SGCD: variants seen among roughly 807,000 people sequenced by gnomAD.
SGCD encodes the protein delta-sarcoglycan.
In SGCD, 18 loss-of-function variants were observed where a neutral mutation model predicts 36.6. The ratio of observed to expected loss-of-function variants is 0.49; its 90% CI spans 0.34 to 0.73. The LOEUF is 0.73. Among genes scored for constraint, SGCD ranks in the 30% least tolerant of loss-of-function variants. SGCD has a pLI of 0.01. For synonymous variants in SGCD, 133 were observed against 130.6 expected (o/e 1.02, Z -0.12); for missense variants, 387 against 346.7 (o/e 1.12, Z -0.92).
intron 3 of SGCD, among the ~76,000 whole-genome samples, chr5:156,197,474 T>C (rs1454353533): frequency 8.9e-5 from 13 of 146,254 alleles, no homozygotes; most frequent in Non-Finnish European, 1.7e-4. Flanking sequence ...TAGTTTTCCT[T>C]TTTTTTTTTT....
intron 3 of SGCD, among the ~76,000 whole-genome samples, chr5:156,494,352 G>A (rs986798218): frequency 5.3e-5 from 5 of 94,324 alleles, no homozygotes; most frequent in Non-Finnish European, 8.9e-5. Context: ...TTTTTTTTTT[G>A]AGGACTCTAA....
At chr5:156,592,803 C>T (rs147604630) in intron 5 of SGCD, among the ~76,000 whole-genome samples, 304 of 152,284 alleles carry the variant, frequency 2.0e-3, no homozygotes, top group African/African-American at 7.0e-3. Context: ...CAATCTCCTA[C>T]TCATTAGGGA....
chr5:156,368,354 G>A (rs1770215629), intron 3 of SGCD, among the ~76,000 whole-genome samples: 1 of 152,120 alleles, frequency 6.6e-6, no homozygotes, highest in African/African-American at 2.4e-5. Flanking sequence ...GCCTTCCAAA[G>A]TGCTGGGATT....
upstream of SGCD, among the ~76,000 whole-genome samples, chr5:156,323,018 G>A (rs986372077): frequency 2.0e-5 from 3 of 152,130 alleles, no homozygotes; most frequent in Non-Finnish European, 2.9e-5. Flanking sequence ...TCTGGGGTGG[G>A]ACCCTGGCTC....
intron 6 of SGCD, among the ~76,000 whole-genome samples, chr5:156,638,250 C>T (rs1305103021): frequency 1.3e-5 from 2 of 152,082 alleles, no homozygotes; most frequent in African/African-American, 2.4e-5. Context: ...TCATGGCTCC[C>T]ATCTCACCCT....
At chr5:155,869,317 T>C (rs1755585737), upstream of SGCD, among the ~76,000 whole-genome samples, 1 of 152,230 alleles carries the variant, frequency 6.6e-6, no homozygotes, top group Admixed American at 6.5e-5. Context: ...GATATTGTTG[T>C]ATGAATTAAT....
chr5:156,393,829 C>A (rs986615144), intron 3 of SGCD: 2 of 456,264 alleles, frequency 4.4e-6, no homozygotes, highest in Non-Finnish European at 4.4e-6. Flanking sequence ...GAACCAGGAG[C>A]CAGGTGACTC....
chr5:155,731,366 G>A, the SGCD span, among the ~76,000 whole-genome samples: 1 of 152,002 alleles, frequency 6.6e-6, no homozygotes, highest in Non-Finnish European at 1.5e-5. Context: ...AGATGGGGAG[G>A]AGGGAAAGGG....
At chr5:156,629,793 A>G (rs1409371486) in intron 6 of SGCD, among the ~76,000 whole-genome samples, 1 of 152,042 alleles carries the variant, frequency 6.6e-6, no homozygotes, top group African/African-American at 2.4e-5. Context: ...TAGTGAGACA[A>G]ATTTGGCCCA....
chr5:156,161,312 T>C (rs1763082730), intron 3 of SGCD, among the ~76,000 whole-genome samples: 1 of 151,812 alleles, frequency 6.6e-6, no homozygotes, highest in Non-Finnish European at 1.5e-5. Flanking sequence ...AACTCTGTAG[T>C]AAACATTCAC....
intron 3 of SGCD, among the ~76,000 whole-genome samples, chr5:156,279,000 T>C (rs1766384178): frequency 6.6e-6 from 1 of 152,082 alleles, no homozygotes; most frequent in Non-Finnish European, 1.5e-5. Flanking sequence ...ACTGGAGAGG[T>C]GCTAATGGCA....
intron 7 of SGCD, among the ~76,000 whole-genome samples, chr5:156,730,859 C>T (rs138103582): frequency 6.6e-6 from 1 of 152,160 alleles, no homozygotes; most frequent in Non-Finnish European, 1.5e-5. Flanking sequence ...TACACTCCCA[C>T]CAACAGTGTA....
At chr5:156,655,625 G>A (rs1763642234) in intron 7 of SGCD, among the ~76,000 whole-genome samples, 1 of 152,084 alleles carries the variant, frequency 6.6e-6, no homozygotes, top group African/African-American at 2.4e-5. Context: ...AATGTTTATT[G>A]ACTTTATTCT....
At position 156,024,107 on chromosome 5, in the gene SGCD, G is replaced by A. The variant is rs562166510; in HGVS notation, c.-281-93771G>A. On this transcript the variant is annotated intron_variant, in intron 1 of 9. Transcript: ENST00000517913. ...ATTCTGGAGTTCCAAGGATGGCAGC[G>A]TAAGTATCGGAAGGTATAGGAAGCT... Among the ~76,000 whole-genome samples, 46 of 152,098 alleles carry A rather than the reference G, an allele frequency of 3.0e-4. 1 individual carries two copies. Among genetic ancestry groups the A allele is most frequent in the Non-Finnish European group, 4.9e-4 (33 of 68,016 alleles).
chr5:156,138,739 A>G (rs1197529937), intron 3 of SGCD, among the ~76,000 whole-genome samples: 1 of 152,218 alleles, frequency 6.6e-6, no homozygotes, highest in African/African-American at 2.4e-5. Flanking sequence ...GATGTGGGGT[A>G]GGTATACATT....
chr5:156,284,603 C>A (rs2127674654), intron 3 of SGCD, among the ~76,000 whole-genome samples: 1 of 152,196 alleles, frequency 6.6e-6, no homozygotes, highest in Non-Finnish European at 1.5e-5. Flanking sequence ...GCAGAAAAGG[C>A]CTTTGACAAA....
At chr5:156,175,315 A>G (rs895844149) in intron 3 of SGCD, among the ~76,000 whole-genome samples, 6 of 152,198 alleles carry the variant, frequency 3.9e-5, no homozygotes, top group Admixed American at 2.6e-4. Flanking sequence ...TGTAGAAAAA[A>G]AGTAGTAAAA....
chr5:156,383,440 G>A (rs924587547), intron 3 of SGCD, among the ~76,000 whole-genome samples: 1 of 152,084 alleles, frequency 6.6e-6, no homozygotes, highest in Non-Finnish European at 1.5e-5. Flanking sequence ...GTAGGCGGAG[G>A]TTACAGTGGG....
chr5:156,314,210 G>A (rs989763542), intron 3 of SGCD, among the ~76,000 whole-genome samples: 12 of 151,934 alleles, frequency 7.9e-5, no homozygotes, highest in South Asian at 2.1e-4. Context: ...CCAGTTGAAC[G>A]TTAAGGATGT....
Sources: gnomAD v4.1 joint callset for allele counts (sites outside exome capture counted in the v4.1 genomes callset) on GRCh38, gnomAD v4.1.1 for gene constraint, MANE v1.5 for transcripts, NCBI Gene and HGNC (gene_info 2026-07-23, HGNC 2026-07-21) for gene names.